KLHL18: variants seen among roughly 807,000 people sequenced by gnomAD.
KLHL18 encodes the protein kelch-like protein 18.
A neutral mutation model predicts 58.5 loss-of-function variants in KLHL18; 38 were observed. The observed-to-expected ratio is 0.65, with a 90% CI of 0.50 to 0.85. The LOEUF (loss-of-function observed/expected upper bound fraction) is 0.85. KLHL18 is among the 40% of genes least tolerant of loss of function. The pLI is 0.00. For missense variants in KLHL18, 624 were observed against 778.4 expected (o/e 0.80, Z 2.36); for synonymous variants, 303 against 301.9 (o/e 1.00, Z -0.04).
intron 8 of KLHL18, 134 bp from the exon 9 acceptor site, chr3:47,342,585 A>G: frequency 1.5e-6 from 1 of 682,254 alleles, no homozygotes; most frequent in Admixed American, 2.7e-5. Context: ...GAGAACTGTC[A>G]GAGAGGTGGT....
At chr3:47,318,890 C>G (rs535886938) in intron 1 of KLHL18, among the ~76,000 whole-genome samples, 51 of 152,246 alleles carry the variant, frequency 3.3e-4, no homozygotes, top group Non-Finnish European at 6.0e-4. Context: ...TAGTGAGATT[C>G]CCTGGCTTTT....
intron 6 of KLHL18, among the ~76,000 whole-genome samples, chr3:47,336,158 C>T (rs1225150679): frequency 1.3e-5 from 2 of 152,192 alleles, no homozygotes; most frequent in Admixed American, 6.5e-5. Context: ...GGACACAAAG[C>T]CCCTTGCCTT....
chr3:47,319,534 T>A, intron 1 of KLHL18, 119 bp from the exon 2 acceptor site: 1 of 1,087,182 alleles, frequency 9.2e-7, no homozygotes, highest in Non-Finnish European at 1.3e-6. Context: ...TCACCGCCTT[T>A]GCAGTGGGCA....
chr3:47,309,979 GGGGAGA>G (rs1416011012), intron 1 of KLHL18, among the ~76,000 whole-genome samples: 7 of 151,830 alleles, frequency 4.6e-5, no homozygotes, highest in Admixed American at 3.3e-4. Context: ...GGGAGACCGT[GGGGAGA>G]GGGAGGGGGA....
In KLHL18 at chr3:47,345,397, C is replaced by G. The variant is rs1704207615; in HGVS notation, c.*1456C>G. 6.6e-6 allele frequency: 1 copy of G among 152,630 alleles called. No individual in the cohort carries two copies. The highest frequency in any genetic ancestry group is 2.4e-5 in the African/African-American group (1 of 41,454). 9.5% of individuals were successfully genotyped at this position (152,630 alleles called of 1,614,324 possible). A position where few individuals can be genotyped will look rare whatever the true frequency, so the allele number is the denominator to read the frequency against. On this transcript the variant is annotated 3_prime_UTR_variant, in exon 10 of 10. Transcript: ENST00000232766. Reference sequence around the variant, plus strand: ...CAGCTGGCTTTTATGACATAAAGAACTAAAGGCCGAAAGAATCTCTTGCTG... The same window carrying G: ...CAGCTGGCTTTTATGACATAAAGAAGTAAAGGCCGAAAGAATCTCTTGCTG...
chr3:47,326,504 C>G (rs1016665312), intron 3 of KLHL18, among the ~76,000 whole-genome samples: 1 of 152,190 alleles, frequency 6.6e-6, no homozygotes, highest in African/African-American at 2.4e-5. Flanking sequence ...CTCCCTCCTC[C>G]TCTTGCATGG....
At chr3:47,283,375 A>G (rs1217903297) in intron 1 of KLHL18, 1 of 484,580 alleles carries the variant, frequency 2.1e-6, no homozygotes, top group Non-Finnish European at 3.7e-6. Context: ...TTTTTCTGTC[A>G]TGCAGACAAG....
At chr3:47,323,082 T>A (rs1703627118) in intron 3 of KLHL18, among the ~76,000 whole-genome samples, 1 of 151,994 alleles carries the variant, frequency 6.6e-6, no homozygotes, top group African/African-American at 2.4e-5. Flanking sequence ...CTCTCTGAAT[T>A]TCTTTTCTTT....
intron 3 of KLHL18, among the ~76,000 whole-genome samples, chr3:47,326,964 C>T (rs146753161): frequency 0.018 from 2,733 of 150,488 alleles, 32 homozygotes; most frequent in Non-Finnish European, 0.027. Context: ...TTTGGCCGGG[C>T]GTGGTGGCTC....
intron 1 of KLHL18, among the ~76,000 whole-genome samples, chr3:47,317,088 CCTT>C (rs1290582494): frequency 8.5e-5 from 13 of 152,192 alleles, no homozygotes; most frequent in African/African-American, 2.9e-4. Flanking sequence ...TACATAGACC[CCTT>C]CTTATGAGGC....
At position 47,340,552 on chromosome 3, in the gene KLHL18, G is replaced by T; in HGVS notation, c.1122-20G>T. 6.2e-7 allele frequency: 1 copy of T among 1,613,904 alleles called. No homozygotes were observed. The highest frequency in any genetic ancestry group is 1.1e-5 in the South Asian group (1 of 91,050). On this transcript the variant is annotated intron_variant, in intron 7 of 9. Coordinates refer to ENST00000232766, the MANE Select transcript of KLHL18 (RefSeq NM_025010.5). ...AGGAAGGCTGCGGCTCATCTGGGAT[G>T]ACAGCTCTGTCTGTTTCAGTGCCAT... is the stretch of plus-strand genomic sequence containing the variant.
At chr3:47,339,872 C>G (rs879932474) in intron 7 of KLHL18, among the ~76,000 whole-genome samples, 3 of 151,596 alleles carry the variant, frequency 2.0e-5, no homozygotes, top group Non-Finnish European at 4.4e-5. Flanking sequence ...GGCAACATAG[C>G]AAGACCCTGT....
intron 1 of KLHL18, among the ~76,000 whole-genome samples, chr3:47,285,419 TA>T (rs1278812795): frequency 6.6e-6 from 1 of 152,138 alleles, no homozygotes; most frequent in Non-Finnish European, 1.5e-5. Flanking sequence ...ATTTCTAGAT[TA>T]AAATTTAGGC....
rs2107580717 is a variant in KLHL18 at position 47,292,729 on chromosome 3, A to G, written c.129+9635A>G. On this transcript the variant is annotated intron_variant, in intron 1 of 9. Coordinates refer to ENST00000232766, the MANE Select transcript of KLHL18 (RefSeq NM_025010.5). ...GAGACCAGCCTGGGCCACATGTCAAAACCTTGTCTTTACAAAAAATACAAA... is the reference window on the plus strand; with the variant it reads ...GAGACCAGCCTGGGCCACATGTCAAGACCTTGTCTTTACAAAAAATACAAA... Among the ~76,000 whole-genome samples, 2 of 151,808 alleles carry G rather than the reference A, an allele frequency of 1.3e-5. 1 individual carries two copies. Among genetic ancestry groups the G allele is most frequent in the South Asian group, 4.2e-4 (2 of 4,794 alleles).
At chr3:47,329,344 C>T (rs1177032917) in intron 3 of KLHL18, among the ~76,000 whole-genome samples, 1 of 152,116 alleles carries the variant, frequency 6.6e-6, no homozygotes, top group Non-Finnish European at 1.5e-5. Context: ...TCTCCTGCCT[C>T]AGCCTCCCAA....
chr3:47,327,967 G>T (rs1351845102), intron 3 of KLHL18, among the ~76,000 whole-genome samples: 1 of 152,162 alleles, frequency 6.6e-6, no homozygotes, highest in African/African-American at 2.4e-5. Flanking sequence ...TCCCTACAGA[G>T]AATCAGTCAT....
chr3:47,295,870 C>T (rs1460616083), intron 1 of KLHL18, among the ~76,000 whole-genome samples: 1 of 152,132 alleles, frequency 6.6e-6, no homozygotes, highest in Non-Finnish European at 1.5e-5. Flanking sequence ...TGCCCGGCCC[C>T]TTCAAAGTTT....
In KLHL18 at chr3:47,346,361, C is replaced by G. The variant is rs1313017512; in HGVS notation, c.*2420C>G. Reference sequence around the variant, plus strand: ...GGCTCTGAGCACAAGTCAGGAAACACCAACATATTCACACTCTCCCAGTAG... The same window carrying G: ...GGCTCTGAGCACAAGTCAGGAAACAGCAACATATTCACACTCTCCCAGTAG... On this transcript the variant is annotated 3_prime_UTR_variant, in exon 10 of 10. Transcript: ENST00000232766. 6.6e-6 allele frequency: 1 copy of G among 152,646 alleles called. No homozygotes were observed. The highest frequency in any genetic ancestry group is 1.5e-5 in the Non-Finnish European group (1 of 68,048). 9.5% of individuals were successfully genotyped at this position (152,646 alleles called of 1,614,324 possible).
At chr3:47,307,481 A>G (rs2107605689) in intron 1 of KLHL18, among the ~76,000 whole-genome samples, 1 of 152,154 alleles carries the variant, frequency 6.6e-6, no homozygotes, top group African/African-American at 2.4e-5. Flanking sequence ...GGTCAAAAAG[A>G]CCTACAATAT....
Sources: gnomAD v4.1 joint callset for allele counts (sites outside exome capture counted in the v4.1 genomes callset) on GRCh38, gnomAD v4.1.1 for gene constraint, MANE v1.5 for transcripts, NCBI Gene and HGNC (gene_info 2026-07-23, HGNC 2026-07-21) for gene names.